The following MACROD2 variants were observed in gnomAD, a reference collection of about 807,000 sequenced individuals.
The protein encoded by MACROD2 is ADP-ribose glycohydrolase MACROD2.
MACROD2 carries 36 observed loss-of-function variants against 70.4 expected under a neutral mutation model. The observed-to-expected ratio is 0.51, with a 90% confidence interval of 0.39 to 0.68. The LOEUF is 0.68. MACROD2 is among the 30% of genes least tolerant of loss of function. The pLI, the probability that MACROD2 is intolerant of heterozygous loss-of-function variation, is 0.00. For synonymous variants in MACROD2, 172 were observed against 178.8 expected (o/e 0.96, Z 0.30); for missense variants, 496 against 538.4 (o/e 0.92, Z 0.78).
chr20:15,675,340 C>T (rs530100704), intron 8 of MACROD2, among the ~76,000 whole-genome samples: 1 of 152,302 alleles, frequency 6.6e-6, no homozygotes, highest in African/African-American at 2.4e-5. Context: ...TATGTAACCT[C>T]AGTACTCACC....
intron 2 of MACROD2, among the ~76,000 whole-genome samples, chr20:14,028,129 G>T (rs2053197766): frequency 6.6e-6 from 1 of 152,210 alleles, no homozygotes; most frequent in African/African-American, 2.4e-5. Flanking sequence ...GAGGAATCTA[G>T]AGAGGCAGTA....
intron 5 of MACROD2, among the ~76,000 whole-genome samples, chr20:15,144,466 GACTTTGAA>G (rs1002248974): frequency 2.2e-4 from 33 of 152,090 alleles, no homozygotes; most frequent in African/African-American, 7.5e-4. Flanking sequence ...GTCACATAGT[GACTTTGAA>G]ACTTTGAAAC....
At chr20:15,019,246 C>CA (rs1249197756) in intron 5 of MACROD2, among the ~76,000 whole-genome samples, 1 of 152,166 alleles carries the variant, frequency 6.6e-6, no homozygotes, top group Non-Finnish European at 1.5e-5. Flanking sequence ...TAAAGCTTTA[C>CA]AACTACACAA....
rs2073384739 is a variant in MACROD2 at position 14,862,715 on chromosome 20, A to ATATATT, written c.418+177757_418+177758insATATTT. On this transcript the variant is annotated intron_variant, in intron 5 of 17. Transcript: ENST00000684519. ...AATATATATAAATATATATATATAT[A>ATATATT]TTTTTTTTTAATAGAGAGGATGAAG... 1.5e-3 allele frequency among the ~76,000 whole-genome samples: 97 copies of ATATATT among 63,340 alleles called. 14 individuals are homozygous for ATATATT. Among genetic ancestry groups the ATATATT allele is most frequent in the African/African-American group, 6.2e-3 (94 of 15,140 alleles). 41.6% of individuals were successfully genotyped at this position (63,340 alleles called of 152,430 possible).
At chr20:14,720,346 C>G (rs1363232868) in intron 5 of MACROD2, among the ~76,000 whole-genome samples, 2 of 151,978 alleles carry the variant, frequency 1.3e-5, no homozygotes, top group East Asian at 3.9e-4. Flanking sequence ...ATTTCCTCTT[C>G]TGAAGTCCCT....
intron 10 of MACROD2, among the ~76,000 whole-genome samples, chr20:15,925,803 C>A (rs2065480261): frequency 6.6e-6 from 1 of 152,142 alleles, no homozygotes; most frequent in Non-Finnish European, 1.5e-5. Flanking sequence ...TTCCATTTTT[C>A]CTCTTCCTTC....
rs147544450 is a variant in MACROD2 at position 15,898,617 on chromosome 20, G to C, written c.775+12806G>C. On this transcript the variant is annotated intron_variant, in intron 10 of 17. Transcript: ENST00000684519. ...AGACCTTCTGAATCAGAAACCTGAA[G>C]TGGGGTCCTGTAATCTGTGTTCTCA... Among the ~76,000 whole-genome samples the C allele has an allele frequency of 4.6e-3, 693 of 149,524 alleles. 33 individuals are homozygous for C. The South Asian group carries it at 0.11, about 23-fold the overall frequency.
At chr20:14,833,621 T>A (rs1292762373) in intron 5 of MACROD2, among the ~76,000 whole-genome samples, 1 of 152,156 alleles carries the variant, frequency 6.6e-6, no homozygotes, top group African/African-American at 2.4e-5. Context: ...ATAGCTTTTT[T>A]TCCTCTCTTT....
chr20:15,820,418 C>T (rs1392251644), intron 8 of MACROD2, among the ~76,000 whole-genome samples: 1 of 152,086 alleles, frequency 6.6e-6, no homozygotes, highest in African/African-American at 2.4e-5. Context: ...TCTCGAACTC[C>T]TGGGCTCAAG....
intron 3 of MACROD2, among the ~76,000 whole-genome samples, chr20:14,492,940 CAGCATT>C (rs1389254548): frequency 6.6e-6 from 1 of 151,970 alleles, no homozygotes; most frequent in Non-Finnish European, 1.5e-5. Flanking sequence ...AGAAATAGCA[CAGCATT>C]GTTTAACGTT....
chr20:15,415,462 C>T (rs1300730076), intron 6 of MACROD2, among the ~76,000 whole-genome samples: 2 of 152,070 alleles, frequency 1.3e-5, no homozygotes, highest in African/African-American at 4.8e-5. Context: ...AAATTAAAAA[C>T]AGTGGAGGGA....
chr20:15,598,817 A>G (rs1044085756), intron 8 of MACROD2, among the ~76,000 whole-genome samples: 1 of 152,224 alleles, frequency 6.6e-6, no homozygotes, highest in East Asian at 1.9e-4. Context: ...CTCTGTATTT[A>G]AGTATAAGCA....
intron 4 of MACROD2, among the ~76,000 whole-genome samples, chr20:14,579,737 A>G (rs916852504): frequency 3.0e-4 from 45 of 152,202 alleles, no homozygotes; most frequent in African/African-American, 9.2e-4. Flanking sequence ...TTCAAAATCT[A>G]CTTTGCATAT....
intron 5 of MACROD2, among the ~76,000 whole-genome samples, chr20:14,779,735 C>A (rs942954244): frequency 6.6e-6 from 1 of 152,114 alleles, no homozygotes. Context: ...ACTTACTAAT[C>A]TTTATATTCT....
At chr20:15,965,973 G>A (rs2066135068) in intron 12 of MACROD2, among the ~76,000 whole-genome samples, 1 of 152,128 alleles carries the variant, frequency 6.6e-6, no homozygotes, top group Admixed American at 6.6e-5. Context: ...ATTGATACTT[G>A]CTTCACTGGT....
At chr20:14,166,610 C>G (rs1430592729) in intron 3 of MACROD2, among the ~76,000 whole-genome samples, 5 of 152,094 alleles carry the variant, frequency 3.3e-5, no homozygotes, top group African/African-American at 1.2e-4. Context: ...CCAGACAGTC[C>G]AGGTTCAGCA....
At chr20:15,972,022 A>G (rs949650155) in intron 13 of MACROD2, among the ~76,000 whole-genome samples, 4 of 152,230 alleles carry the variant, frequency 2.6e-5, no homozygotes, top group Non-Finnish European at 5.9e-5. Context: ...CGAGACAAAG[A>G]AGTTATAGAA....
chr20:14,990,248 C>T (rs897516912), intron 5 of MACROD2, among the ~76,000 whole-genome samples: 2 of 152,004 alleles, frequency 1.3e-5, no homozygotes, highest in African/African-American at 4.8e-5. Flanking sequence ...GGGAGATACA[C>T]AATAGATAAA....
At chr20:14,471,729 A>G (rs2084532989) in intron 3 of MACROD2, among the ~76,000 whole-genome samples, 1 of 152,184 alleles carries the variant, frequency 6.6e-6, no homozygotes, top group Non-Finnish European at 1.5e-5. Flanking sequence ...TAAGGTTAGA[A>G]GGTACTCTTT....
Sources: gnomAD v4.1 joint callset for allele counts (sites outside exome capture counted in the v4.1 genomes callset) on GRCh38, gnomAD v4.1.1 for gene constraint, MANE v1.5 for transcripts, NCBI Gene and HGNC (gene_info 2026-07-23, HGNC 2026-07-21) for gene names.